Variants in C5 observed in about 807,000 individuals in gnomAD.
C5 encodes C3 and PZP-like alpha-2-macroglobulin domain-containing protein 4.
A neutral mutation model predicts 218.8 loss-of-function variants in C5; 140 were observed. The ratio of observed to expected loss-of-function variants is 0.64; its 90% CI spans 0.56 to 0.74. The LOEUF is 0.74. Among genes scored for constraint, C5 ranks in the 30% least tolerant of loss-of-function variants. The probability of loss-of-function intolerance (pLI) is 0.00; values close to 1 mark genes in which losing one functional copy is unlikely to be tolerated. For synonymous variants in C5, 614 were observed against 682.3 expected (o/e 0.90, Z 1.56); for missense variants, 1,700 against 1,969.6 (o/e 0.86, Z 2.59).
At chr9:121,037,302 GTTT>G (rs201849062) in intron 4 of C5, among the ~76,000 whole-genome samples, 1 of 136,722 alleles carries the variant, frequency 7.3e-6, no homozygotes, top group Non-Finnish European at 1.6e-5. Flanking sequence ...TTGTTTTTTG[GTTT>G]TTTTTTTTTT....
chr9:121,067,639 C>T, the C5 span, among the ~76,000 whole-genome samples: 14 of 151,710 alleles, frequency 9.2e-5, no homozygotes, highest in East Asian at 7.7e-4. Flanking sequence ...TGTGTCCCTA[C>T]GCAAATCTCA....
At chr9:120,969,241 G>A (rs2046892553) in intron 32 of C5, 123 bp from the exon 33 acceptor site, 2 of 815,056 alleles carry the variant, frequency 2.5e-6, no homozygotes, top group Non-Finnish European at 4.2e-6. Flanking sequence ...AAAATGATTT[G>A]TGATTTGGAA....
chr9:121,014,294 G>C (rs1056376732), intron 16 of C5, among the ~76,000 whole-genome samples: 6 of 152,168 alleles, frequency 3.9e-5, no homozygotes, highest in African/African-American at 1.4e-4. Context: ...TGGTTAAAGG[G>C]TTTCCTGCAA....
At chr9:120,978,884 G>A (rs1410667322) in intron 28 of C5, among the ~76,000 whole-genome samples, 1 of 151,774 alleles carries the variant, frequency 6.6e-6, no homozygotes, top group African/African-American at 2.4e-5. Context: ...GGCTCCTTCT[G>A]GTCCCCACAG....
intron 23 of C5, among the ~76,000 whole-genome samples, chr9:120,990,933 T>A (rs1024518091): frequency 1.3e-5 from 2 of 152,076 alleles, no homozygotes; most frequent in Non-Finnish European, 2.9e-5. Flanking sequence ...TTTAGAGACA[T>A]CTTTGAGCCA....
chr9:120,976,711 A>G lies in C5; in HGVS notation c.3853T>C (p.Tyr1285His), dbSNP rs754685328. Residue 1285 changes from tyrosine to histidine, a missense_variant, in exon 29 of 41, where the codon TAT becomes CAT. Coordinates refer to ENST00000223642, the MANE Select transcript of C5 (RefSeq NM_001735.3). ...SEEQRYGGGF[Y>H]STQDTINAIE... The stretch of plus-strand genomic sequence containing the variant: ...CAAAGAAATGTTACCTGGGTTGAAT[A>G]AAAGCCACCTCCATACCTCTGCTCT... 44 of 1,613,724 alleles carry G rather than the reference A, an allele frequency of 2.7e-5. No individual in the cohort carries two copies. Among genetic ancestry groups the G allele is most frequent in the Non-Finnish European group, 6.8e-6 (8 of 1,179,712 alleles).
chr9:120,993,646 TCTC>T (rs2047094555), intron 22 of C5, among the ~76,000 whole-genome samples: 1 of 152,070 alleles, frequency 6.6e-6, no homozygotes, highest in African/African-American at 2.4e-5. Context: ...ATGGTCTCGA[TCTC>T]CTGACCTCGT....
At chr9:120,959,291 TG>T (rs41313611) in intron 38 of C5, among the ~76,000 whole-genome samples, 29,824 of 150,882 alleles carry the variant, frequency 0.2, 5,234 homozygotes, top group African/African-American at 0.47. Context: ...AGAGTCTTGC[TG>T]GTGTTGCCCA....
the C5 span, among the ~76,000 whole-genome samples, chr9:121,055,385 C>T: frequency 2.0e-5 from 3 of 152,046 alleles, no homozygotes; most frequent in Non-Finnish European, 4.4e-5. Flanking sequence ...ACTTAGGGTG[C>T]AACACAGTTT....
intron 20 of C5, among the ~76,000 whole-genome samples, chr9:121,002,314 G>GTATATA (rs1260903533): frequency 1.9e-4 from 12 of 62,478 alleles, no homozygotes; most frequent in African/African-American, 5.8e-4. Flanking sequence ...ATATATGTGT[G>GTATATA]TGTATATATA....
Position 121,002,316 on chromosome 9 carries a change from G to GTGTGTGTGTATATATATATA in C5, c.2562+3602_2562+3603insTATATATATATACACACACA, listed in dbSNP as rs572345213. Among the ~76,000 whole-genome samples the GTGTGTGTGTATATATATATA allele has an allele frequency of 1.5e-3, 128 of 87,382 alleles. 3 individuals carry two copies. Among genetic ancestry groups the GTGTGTGTGTATATATATATA allele is most frequent in the Admixed American group, 4.6e-3 (34 of 7,470 alleles). 57.3% of individuals were successfully genotyped at this position (87,382 alleles called of 152,430 possible). On this transcript the variant is annotated intron_variant, in intron 20 of 40. Coordinates refer to ENST00000223642, the MANE Select transcript of C5 (RefSeq NM_001735.3). ...TATATATGTATATATATATGTGTGTGTATATATATATATATATATATATAT... is the reference window on the plus strand; with the variant it reads ...TATATATGTATATATATATGTGTGTGTGTGTGTGTATATATATATATATATATATATATATATATATATAT...
chr9:120,967,729 T>A (rs939752543), intron 33 of C5, among the ~76,000 whole-genome samples: 1 of 152,068 alleles, frequency 6.6e-6, no homozygotes, highest in African/African-American at 2.4e-5. Flanking sequence ...TTTTCTTTTT[T>A]TTTTTATTTG....
chr9:120,990,814 C>A (rs539644235), intron 23 of C5, among the ~76,000 whole-genome samples: 92 of 152,228 alleles, frequency 6.0e-4, no homozygotes, highest in Non-Finnish European at 8.7e-4. Flanking sequence ...TTCAGCAGAG[C>A]AGTGCTGTTC....
intron 17 of C5, among the ~76,000 whole-genome samples, chr9:121,010,004 G>A (rs956612307): frequency 1.3e-5 from 2 of 152,374 alleles, no homozygotes; most frequent in East Asian, 3.9e-4. Context: ...AGTGGTTGGA[G>A]CTTGAGTTCC....
intron 16 of C5, 166 bp downstream of exon 16, chr9:121,015,033 C>T: frequency 1.7e-6 from 1 of 579,046 alleles, no homozygotes; most frequent in African/African-American, 1.9e-5. Flanking sequence ...AACTACTAGA[C>T]TTTATTTGGA....
rs1410408068 is a variant in C5, at chr9:121,036,608, C to T, written c.492+1273G>A. The stretch of plus-strand genomic sequence containing the variant: ...ATTTCTTCTTGCCCCCATAGCTTAA[C>T]TCACACTGTTTCTTACATGGATGGT... On this transcript the variant is annotated intron_variant, in intron 4 of 40. Transcript: ENST00000223642. Among the ~76,000 whole-genome samples, 4 of 105,456 alleles carry T rather than the reference C, an allele frequency of 3.8e-5. No homozygotes were observed. In the East Asian group the frequency reaches 1.8e-3, roughly 47 times the overall value. 69.2% of individuals were successfully genotyped at this position (105,456 alleles called of 152,430 possible). A position where few individuals can be genotyped will look rare whatever the true frequency, so the allele number is the denominator to read the frequency against.
At chr9:120,954,161 A>G (rs1588161900) in intron 39 of C5, among the ~76,000 whole-genome samples, 1 of 152,238 alleles carries the variant, frequency 6.6e-6, no homozygotes, top group East Asian at 1.9e-4. Context: ...TTGTAGAACC[A>G]TCGTGAGATT....
chr9:120,994,806 C>A (rs1006416730), intron 22 of C5, among the ~76,000 whole-genome samples: 1 of 151,800 alleles, frequency 6.6e-6, no homozygotes, highest in Admixed American at 6.6e-5. Flanking sequence ...GAGATTTATT[C>A]CCAGATAAAA....
upstream of C5, among the ~76,000 whole-genome samples, chr9:121,053,395 T>C (rs978676874): frequency 2.0e-5 from 3 of 152,040 alleles, no homozygotes; most frequent in South Asian, 2.1e-4. Flanking sequence ...CCATGGGATA[T>C]AGAGGAGAAA....
Sources: allele counts gnomAD v4.1 joint callset (sites outside exome capture counted in the v4.1 genomes callset), GRCh38; gene constraint gnomAD v4.1.1; transcripts MANE v1.5; gene names NCBI Gene and HGNC (gene_info 2026-07-23, HGNC 2026-07-21).